The following PLXNA4 variants were observed in gnomAD, a reference collection of about 807,000 sequenced individuals.
The protein encoded by PLXNA4 is plexin A4, also known as plexin-A4.
Under a neutral mutation model 191.8 loss-of-function variants are expected in PLXNA4, and 44 were observed. The observed-to-expected ratio is 0.23, with a 90% CI of 0.18 to 0.29. PLXNA4 has a LOEUF of 0.29. Ranked by LOEUF, PLXNA4 falls within the 10% of genes least tolerant of loss-of-function variation. PLXNA4 has a pLI of 1.00. For missense variants in PLXNA4, 1,800 were observed against 2,488.8 expected (o/e 0.72, Z 5.89); for synonymous variants, 1,082 against 1,009.5 (o/e 1.07, Z -1.36).
At chr7:132,553,140 C>T (rs542958949) in intron 1 of PLXNA4, among the ~76,000 whole-genome samples, 9 of 152,312 alleles carry the variant, frequency 5.9e-5, no homozygotes, top group Non-Finnish European at 1.3e-4. Context: ...GGCATCCACA[C>T]ATGGATGATC....
intron 2 of PLXNA4, among the ~76,000 whole-genome samples, chr7:132,631,131 C>A: frequency 6.6e-6 from 1 of 152,170 alleles, no homozygotes; most frequent in Admixed American, 6.5e-5. Flanking sequence ...TAAATATATG[C>A]AGATTTTGCC....
At chr7:132,297,081 C>T (rs1369653822) in intron 4 of PLXNA4, among the ~76,000 whole-genome samples, 1 of 152,100 alleles carries the variant, frequency 6.6e-6, no homozygotes, top group African/African-American at 2.4e-5. Context: ...ATTCATCTCC[C>T]CCACAATGCC....
intron 20 of PLXNA4, among the ~76,000 whole-genome samples, chr7:132,179,405 TGC>T (rs1796624262): frequency 8.8e-6 from 1 of 113,692 alleles, no homozygotes; most frequent in African/African-American, 4.4e-5. Flanking sequence ...CATACACAGA[TGC>T]GCACGCACAC....
At position 132,468,453 on chromosome 7, in the gene PLXNA4, TTCTCA is replaced by T. The variant is rs1382633046; in HGVS notation, c.1371+20834_1371+20838del. ...TCCCAGTGAACCCTGAAGGAAAAAA[TTCTCA>T]TCTCAAGAATCCAAAGAGCTGAGGT... is the stretch of plus-strand genomic sequence containing the variant. On this transcript the variant is annotated intron_variant, in intron 3 of 31. Transcript: ENST00000321063. 6.6e-5 allele frequency among the ~76,000 whole-genome samples: 10 copies of T among 152,204 alleles called. No homozygotes were observed. The East Asian group carries it at 1.9e-3, about 29-fold the overall frequency.
At chr7:132,255,503 A>G (rs1407114846) in intron 4 of PLXNA4, among the ~76,000 whole-genome samples, 4 of 152,192 alleles carry the variant, frequency 2.6e-5, no homozygotes, top group African/African-American at 9.7e-5. Flanking sequence ...CATTCACGTT[A>G]ATGCAAAGTT....
At chr7:132,212,656 G>A (rs533683288) in intron 9 of PLXNA4, among the ~76,000 whole-genome samples, 38 of 152,280 alleles carry the variant, frequency 2.5e-4, no homozygotes, top group African/African-American at 8.7e-4. Context: ...AAAGAGGAGG[G>A]AAAGAGAGGC....
intron 3 of PLXNA4, among the ~76,000 whole-genome samples, chr7:132,424,770 T>A (rs1794981003): frequency 6.6e-6 from 1 of 152,168 alleles, no homozygotes; most frequent in Non-Finnish European, 1.5e-5. Context: ...TACCAAAACA[T>A]CACATTATAT....
chr7:132,345,325 T>G (rs572038739), intron 3 of PLXNA4, among the ~76,000 whole-genome samples: 1 of 152,314 alleles, frequency 6.6e-6, no homozygotes, highest in South Asian at 2.1e-4. Context: ...CAAGAAATCA[T>G]CTGAACAATG....
intron 16 of PLXNA4, among the ~76,000 whole-genome samples, chr7:132,182,398 C>T (rs900630220): frequency 1.3e-5 from 2 of 152,058 alleles, no homozygotes; most frequent in South Asian, 2.1e-4. Flanking sequence ...ACCAGATGTC[C>T]GTGGCCATCC....
intron 4 of PLXNA4, among the ~76,000 whole-genome samples, chr7:132,265,381 G>A (rs1259616157): frequency 6.6e-6 from 1 of 152,184 alleles, no homozygotes; most frequent in South Asian, 2.1e-4. Context: ...TATTGGTCAG[G>A]TCAGGCAACG....
chr7:132,505,069 C>T (rs1369338927), intron 2 of PLXNA4, among the ~76,000 whole-genome samples: 1 of 152,222 alleles, frequency 6.6e-6, no homozygotes, highest in African/African-American at 2.4e-5. Context: ...GAGAGACAGC[C>T]CCAGGCCTGT....
exon 1 of PLXNA4, chr7:132,648,569 C>T (rs1394161063): frequency 6.6e-6 from 1 of 152,208 alleles, no homozygotes; most frequent in African/African-American, 2.4e-5. Context: ...ATGTTCCCTC[C>T]TCAATCCAGC....
At chr7:132,470,497 T>G (rs1230988558) in intron 3 of PLXNA4, among the ~76,000 whole-genome samples, 1 of 152,178 alleles carries the variant, frequency 6.6e-6, no homozygotes, top group Non-Finnish European at 1.5e-5. Context: ...CTTGTATAGG[T>G]AGAATCATGC....
At position 132,164,167 on chromosome 7, in the gene PLXNA4, C is replaced by T. The variant is rs1796028874; in HGVS notation, c.4475G>A (p.Arg1492His). Residue 1492 changes from arginine (R) to histidine (H), a missense_variant, in exon 24 of 32, where the codon CGC becomes CAC. Transcript: ENST00000321063. Reference protein sequence around the residue: ...RYSLSEDKLIRQQIDYKTLVL... With the variant: ...RYSLSEDKLIHQQIDYKTLVL... ...CAGGGTTTTGTAGTCAATCTGCTGG[C>T]GGATGAGCTTGTCCTCGCTCAAGGA... 6 of 1,614,020 alleles carry T rather than the reference C, an allele frequency of 3.7e-6. No individual in the cohort carries two copies. The highest frequency in any genetic ancestry group is 1.7e-5 in the Admixed American group (1 of 60,010).
At chr7:132,316,740 C>CA (rs1311894635) in intron 3 of PLXNA4, among the ~76,000 whole-genome samples, 4 of 152,186 alleles carry the variant, frequency 2.6e-5, no homozygotes, top group Non-Finnish European at 5.9e-5. Context: ...ACTTCTGAAC[C>CA]TGTTGTTCTT....
intron 4 of PLXNA4, chr7:132,264,304 A>G (rs1339609551): frequency 1.3e-5 from 2 of 152,210 alleles, no homozygotes; most frequent in Non-Finnish European, 2.9e-5. Flanking sequence ...TGCAGCAGGT[A>G]CTAAAATTGC....
chr7:132,441,945 A>G (rs1422619517), intron 3 of PLXNA4, among the ~76,000 whole-genome samples: 1 of 152,186 alleles, frequency 6.6e-6, no homozygotes, highest in African/African-American at 2.4e-5. Flanking sequence ...TGCTTTGTGA[A>G]GTGGCATGCC....
At chr7:132,160,409 T>TATC in intron 24 of PLXNA4, among the ~76,000 whole-genome samples, 1 of 152,208 alleles carries the variant, frequency 6.6e-6, no homozygotes, top group Non-Finnish European at 1.5e-5. Context: ...TTCACCAAAT[T>TATC]ATCTTTTTAT....
chr7:132,237,399 C>T lies in PLXNA4; in HGVS notation c.1604+3667G>A, dbSNP rs79965923. Among the ~76,000 whole-genome samples, 313 of 152,294 alleles carry T rather than the reference C, an allele frequency of 2.1e-3. 1 individual carries two copies. Among genetic ancestry groups the T allele is most frequent in the Non-Finnish European group, 3.6e-3 (243 of 68,026 alleles). On this transcript the variant is annotated intron_variant, in intron 5 of 31. Coordinates refer to ENST00000321063, the MANE Select transcript of PLXNA4 (RefSeq NM_020911.2). Reference sequence around the variant, plus strand: ...AGGGTATTTTTAGCTTTTAGAGGCACTCTTCGCAAGGGAGTGGGGGAAGAC... The same window carrying T: ...AGGGTATTTTTAGCTTTTAGAGGCATTCTTCGCAAGGGAGTGGGGGAAGAC...
Sources: gnomAD v4.1 joint callset for allele counts (sites outside exome capture counted in the v4.1 genomes callset) on GRCh38, gnomAD v4.1.1 for gene constraint, MANE v1.5 for transcripts, NCBI Gene and HGNC (gene_info 2026-07-23, HGNC 2026-07-21) for gene names.